KLF12: variants seen among roughly 807,000 people sequenced by gnomAD.
KLF12 encodes the protein KLF transcription factor 12, also known as Krueppel-like factor 12.
A neutral mutation model predicts 37.8 loss-of-function variants in KLF12; 9 were observed. That is an observed-to-expected ratio of 0.24 (90% CI 0.14 to 0.42). The LOEUF is 0.42. Ranked by LOEUF, KLF12 falls within the 10% of genes least tolerant of loss-of-function variation. KLF12 has a pLI of 1.00. For missense variants in KLF12, 411 were observed against 516.0 expected, an observed-to-expected ratio of 0.80 and a Z score of 1.97; for synonymous variants, 208 against 202.1, an observed-to-expected ratio of 1.03 and a Z score of -0.25.
At chr13:73,708,733 A>G (rs1875137459) in intron 7 of KLF12, among the ~76,000 whole-genome samples, 1 of 152,236 alleles carries the variant, frequency 6.6e-6, no homozygotes, top group Admixed American at 6.5e-5. Context: ...TTCAAATGCA[A>G]ATCAGTTAAT....
At chr13:73,736,758 T>G (rs560869635) in intron 6 of KLF12, among the ~76,000 whole-genome samples, 3 of 152,278 alleles carry the variant, frequency 2.0e-5, no homozygotes, top group African/African-American at 7.2e-5. Context: ...TCAAACATGT[T>G]TAACATCATC....
chr13:73,839,258 A>ATTTTT (rs768668350), intron 4 of KLF12, among the ~76,000 whole-genome samples: 3 of 113,044 alleles, frequency 2.7e-5, no homozygotes, highest in Non-Finnish European at 3.8e-5. Context: ...ATACCTGGTT[A>ATTTTT]TTTTTTTTTT....
the KLF12 span, chr13:74,257,786 AC>A: frequency 3.9e-5 from 6 of 152,206 alleles, no homozygotes; most frequent in African/African-American, 1.4e-4. Context: ...CTCTGGGGCA[AC>A]ATTGGTTGTC....
chr13:74,162,000 A>G, the KLF12 span, among the ~76,000 whole-genome samples: 5 of 152,226 alleles, frequency 3.3e-5, no homozygotes, highest in African/African-American at 7.2e-5. Flanking sequence ...AATTTCTCTT[A>G]TAAGAAAATA....
At chr13:74,104,406 T>C (rs944820856) in intron 1 of KLF12, among the ~76,000 whole-genome samples, 4 of 152,208 alleles carry the variant, frequency 2.6e-5, no homozygotes, top group East Asian at 3.9e-4. Context: ...GCATGTTCTA[T>C]GAATCATTAA....
intron 1 of KLF12, among the ~76,000 whole-genome samples, chr13:74,106,916 T>G (rs1876682125): frequency 6.6e-6 from 1 of 151,454 alleles, no homozygotes; most frequent in Non-Finnish European, 1.5e-5. Flanking sequence ...AAAAAAAAAA[T>G]TAAAGATGCT....
chr13:73,695,448 A>C lies in KLF12; in HGVS notation c.*42T>G. 1 of 1,596,500 alleles carries C rather than the reference A, an allele frequency of 6.3e-7. No individual in the cohort carries two copies. The highest frequency in any genetic ancestry group is 8.6e-7 in the Non-Finnish European group (1 of 1,166,456). ...CAGCCCTGCTGAATTGGGTGCCGCTAAGAGATCCAGCTCTTACGCTCAGCT... is the reference window on the plus strand; with the variant it reads ...CAGCCCTGCTGAATTGGGTGCCGCTCAGAGATCCAGCTCTTACGCTCAGCT... On this transcript the variant is annotated 3_prime_UTR_variant, in exon 8 of 8. Transcript: ENST00000377669.
At chr13:74,147,916 T>G in the KLF12 span, among the ~76,000 whole-genome samples, 3 of 152,160 alleles carry the variant, frequency 2.0e-5, no homozygotes, top group African/African-American at 7.2e-5. Context: ...CACTTCTTTT[T>G]TTTCTTTTTT....
At chr13:74,250,078 G>A in the KLF12 span, among the ~76,000 whole-genome samples, 1 of 152,162 alleles carries the variant, frequency 6.6e-6, no homozygotes, top group African/African-American at 2.4e-5. Context: ...GAAGAGGAGT[G>A]AGGAGTCATT....
At chr13:74,120,356 C>T (rs1458961883) in intron 1 of KLF12, among the ~76,000 whole-genome samples, 3 of 152,120 alleles carry the variant, frequency 2.0e-5, no homozygotes, top group African/African-American at 7.2e-5. Flanking sequence ...GTGGCAGGCG[C>T]CTATCAGGAG....
intron 2 of KLF12, among the ~76,000 whole-genome samples, chr13:73,954,169 G>A (rs899277482): frequency 8.6e-5 from 13 of 151,300 alleles, no homozygotes; most frequent in African/African-American, 1.7e-4. Flanking sequence ...TAGTAGAGGC[G>A]GGGTTTCACC....
chr13:74,142,123 T>C, the KLF12 span, among the ~76,000 whole-genome samples: 1 of 152,224 alleles, frequency 6.6e-6, no homozygotes, highest in Non-Finnish European at 1.5e-5. Context: ...CAAACCATAA[T>C]GTAGTCCATT....
chr13:73,931,286 T>C (rs1889662994), intron 3 of KLF12, among the ~76,000 whole-genome samples: 1 of 152,208 alleles, frequency 6.6e-6, no homozygotes, highest in Admixed American at 6.5e-5. Context: ...AAGTATTATG[T>C]ATACAATTTC....
intron 6 of KLF12, among the ~76,000 whole-genome samples, chr13:73,716,673 A>AT (rs560660783): frequency 2.0e-5 from 3 of 150,648 alleles, no homozygotes; most frequent in East Asian, 2.0e-4. Context: ...ACAGACATTC[A>AT]TTTTTTTTGT....
At chr13:73,745,984 C>A (rs1878333784) in intron 6 of KLF12, among the ~76,000 whole-genome samples, 1 of 151,914 alleles carries the variant, frequency 6.6e-6, no homozygotes, top group South Asian at 2.1e-4. Flanking sequence ...AAATAGGTCT[C>A]TGGACCCAGA....
chr13:73,752,723 C>CAT (rs201172368), intron 6 of KLF12, among the ~76,000 whole-genome samples: 2 of 38,868 alleles, frequency 5.1e-5, no homozygotes, highest in African/African-American at 3.0e-4. Context: ...CTCCCTTCCA[C>CAT]ATATATATTT....
the KLF12 span, among the ~76,000 whole-genome samples, chr13:74,181,147 C>T: frequency 4.6e-5 from 7 of 151,732 alleles, no homozygotes; most frequent in South Asian, 4.2e-4. Flanking sequence ...TACAGGCATG[C>T]GCCACCATGC....
intron 3 of KLF12, among the ~76,000 whole-genome samples, chr13:73,898,937 A>G (rs1457087943): frequency 1.3e-5 from 2 of 152,144 alleles, no homozygotes; most frequent in Non-Finnish European, 2.9e-5. Context: ...CTGCAGAGGA[A>G]GCTGGCTTGT....
the KLF12 span, among the ~76,000 whole-genome samples, chr13:74,244,652 G>C: frequency 1.3e-5 from 2 of 152,236 alleles, no homozygotes; most frequent in Non-Finnish European, 2.9e-5. Flanking sequence ...TGGGTTTTGG[G>C]GGCATAGCCT....
Sources: gnomAD v4.1 joint callset for allele counts (sites outside exome capture counted in the v4.1 genomes callset) on GRCh38, gnomAD v4.1.1 for gene constraint, MANE v1.5 for transcripts, NCBI Gene and HGNC (gene_info 2026-07-23, HGNC 2026-07-21) for gene names.